MGST1: variants seen among roughly 807,000 people sequenced by gnomAD.
The protein encoded by MGST1 is microsomal glutathione S-transferase 1.
A neutral mutation model predicts 8.9 loss-of-function variants in MGST1; 5 were observed. That is an observed-to-expected ratio of 0.56 (90% confidence interval 0.29 to 1.19). The LOEUF is 1.19. Ranked by LOEUF, MGST1 falls within the 50% of genes most tolerant of loss-of-function variation. The pLI, the probability that MGST1 is intolerant of heterozygous loss-of-function variation, is 0.08. For synonymous variants in MGST1, 54 were observed against 67.8 expected (o/e 0.80, Z 1.00); for missense variants, 182 against 187.4 (o/e 0.97, Z 0.17).
intron 4 of MGST1, among the ~76,000 whole-genome samples, chr12:16,578,375 G>A (rs879861845): frequency 2.0e-5 from 3 of 152,104 alleles, no homozygotes; most frequent in Non-Finnish European, 4.4e-5. Flanking sequence ...CTCTACATGG[G>A]GTAGAGGGAG....
chr12:16,441,691 T>C (rs1255741293), downstream of MGST1, among the ~76,000 whole-genome samples: 1 of 151,844 alleles, frequency 6.6e-6, no homozygotes, highest in Non-Finnish European at 1.5e-5. Context: ...TGCTGAATAA[T>C]ACTCCATTGT....
At chr12:16,467,616 A>G (rs951837224) in intron 4 of MGST1, among the ~76,000 whole-genome samples, 1 of 152,216 alleles carries the variant, frequency 6.6e-6, no homozygotes, top group Admixed American at 6.5e-5. Flanking sequence ...TAAAAAGTTC[A>G]TAGAACTCAT....
chr12:16,388,385 A>G (rs1311811011), intron 1 of MGST1, among the ~76,000 whole-genome samples: 1 of 152,084 alleles, frequency 6.6e-6, no homozygotes, highest in African/African-American at 2.4e-5. Context: ...GTGGAGGCCT[A>G]GGATATTACT....
chr12:16,529,227 A>G (rs1192840189), intron 4 of MGST1, among the ~76,000 whole-genome samples: 1 of 151,886 alleles, frequency 6.6e-6, no homozygotes, highest in Non-Finnish European at 1.5e-5. Flanking sequence ...CTTTCCCAGG[A>G]TACCCAGACC....
rs1403773182 is a variant in MGST1 at position 16,585,313 on chromosome 12, A to G, written n.483-4215A>G. ...CAAGTTATTGATTACTGCTTCAAGA[A>G]AAAGGATTTGCATATTTGTGTATAT... On this transcript the variant is annotated intron_variant and non_coding_transcript_variant, in intron 4 of 4. Coordinates refer to the MGST1 transcript ENST00000538857. This position sits in a 1 kb window ranked among gnomAD's most constrained non-coding sequence, Gnocchi z 4.7. 6.6e-6 allele frequency among the ~76,000 whole-genome samples: 1 copy of G among 152,196 alleles called. No homozygotes were observed. Among genetic ancestry groups the G allele is most frequent in the East Asian group, 1.9e-4 (1 of 5,196 alleles).
intron 4 of MGST1, among the ~76,000 whole-genome samples, chr12:16,496,624 C>T (rs1941472242): frequency 6.6e-6 from 1 of 152,062 alleles, no homozygotes; most frequent in Non-Finnish European, 1.5e-5. Flanking sequence ...ACCCTGGACT[C>T]CTTCTCTCCC....
At chr12:16,518,010 G>A (rs75078223) in intron 4 of MGST1, among the ~76,000 whole-genome samples, 3,938 of 152,260 alleles carry the variant, frequency 0.026, 64 homozygotes, top group Non-Finnish European at 0.042. Flanking sequence ...GTCACACTGA[G>A]GTCTTCAACA....
In MGST1 at chr12:16,500,316, G is replaced by A. The variant is rs1941497605; in HGVS notation, n.483-89212G>A. Among the ~76,000 whole-genome samples, 1 of 152,160 alleles carries A rather than the reference G, an allele frequency of 6.6e-6. No homozygotes were observed. Among genetic ancestry groups the A allele is most frequent in the Non-Finnish European group, 1.5e-5 (1 of 68,028 alleles). On this transcript the variant is annotated intron_variant and non_coding_transcript_variant, in intron 4 of 4. Coordinates refer to the MGST1 transcript ENST00000538857. This position sits in a 1 kb window ranked among gnomAD's most constrained non-coding sequence, Gnocchi z 4.3. Reference sequence around the variant, plus strand: ...TGGAAAATATAAAATATTTGGCTGAGATGCCTGACAGACAACAAATAAACT... The same window carrying A: ...TGGAAAATATAAAATATTTGGCTGAAATGCCTGACAGACAACAAATAAACT...
intron 4 of MGST1, among the ~76,000 whole-genome samples, chr12:16,518,880 G>T (rs1941632015): frequency 6.6e-6 from 1 of 152,174 alleles, no homozygotes. Flanking sequence ...GAGGCCTGAG[G>T]ACATTATCAG....
chr12:16,484,186 A>G (rs1941383863), intron 4 of MGST1, among the ~76,000 whole-genome samples: 1 of 152,182 alleles, frequency 6.6e-6, no homozygotes, highest in Admixed American at 6.5e-5. Context: ...GAAATTTGGA[A>G]CTGAACTGGA....
At chr12:16,392,086 T>G (rs968956945) in intron 1 of MGST1, among the ~76,000 whole-genome samples, 2 of 152,228 alleles carry the variant, frequency 1.3e-5, no homozygotes, top group African/African-American at 4.8e-5. Context: ...CTCTCTATTC[T>G]GTTCCATTGG....
chr12:16,354,355 G>T lies in MGST1; in HGVS notation c.103G>T (p.Ala35Ser). 4 of 1,598,770 alleles carry T rather than the reference G, an allele frequency of 2.5e-6. No homozygotes were observed. The highest frequency in any genetic ancestry group is 1.2e-5 in the South Asian group (1 of 85,814). ...AATGATGCTTATGAGTACTGCAACT[G>T]CATTCTATAGATTGACAAGAAAGGT... ...SKMMLMSTAT[A>S]FYRLTRKVFA... The change falls in exon 2 of 4, where the codon GCA (alanine) becomes TCA (serine). Residue 35 changes from alanine (A) to serine (S), a missense_variant. Physicochemically the swap from Ala to Ser is moderately conservative, Grantham distance 99 (BLOSUM62 1). Transcript: ENST00000396210.
chr12:16,452,405 A>T (rs961887676), intron 4 of MGST1, among the ~76,000 whole-genome samples: 1 of 151,458 alleles, frequency 6.6e-6, no homozygotes, highest in East Asian at 1.9e-4. Flanking sequence ...GTGGCCAAAA[A>T]AAAAAAAATG....
chr12:16,460,441 G>A (rs1031061100), intron 4 of MGST1, among the ~76,000 whole-genome samples: 1 of 152,046 alleles, frequency 6.6e-6, no homozygotes, highest in Non-Finnish European at 1.5e-5. Context: ...AAGATGGGAA[G>A]TTGCTGACTA....
At chr12:16,384,585 ACCT>A (rs1330694892) in intron 1 of MGST1, among the ~76,000 whole-genome samples, 1 of 152,124 alleles carries the variant, frequency 6.6e-6, no homozygotes, top group African/African-American at 2.4e-5. Flanking sequence ...CAGGTTTCTG[ACCT>A]CCTGAACTGG....
chr12:16,359,026 T>C (rs1029496573), intron 3 of MGST1, among the ~76,000 whole-genome samples: 1 of 152,104 alleles, frequency 6.6e-6, no homozygotes, highest in Non-Finnish European at 1.5e-5. Flanking sequence ...TGCAATTGGT[T>C]ATGCTGGATG....
chr12:16,513,018 A>ACTAATCTAC lies in MGST1; in HGVS notation n.483-76509_483-76501dup, dbSNP rs1941586476. On this transcript the variant is annotated intron_variant and non_coding_transcript_variant, in intron 4 of 4. Transcript: ENST00000538857. The surrounding 1 kb of genome is among the most constrained non-coding windows in gnomAD (Gnocchi z 4.2). ...AGGGACCTCAGAGTAAGTGTTTGTAACTAATCTACTTTTCCTCCCAGTGTA... is the reference window on the plus strand; with the variant it reads ...AGGGACCTCAGAGTAAGTGTTTGTAACTAATCTACCTAATCTACTTTTCCTCCCAGTGTA... Among the ~76,000 whole-genome samples, 1 of 152,206 alleles carries ACTAATCTAC rather than the reference A, an allele frequency of 6.6e-6. No individual in the cohort carries two copies. The highest frequency in any genetic ancestry group is 1.9e-4 in the East Asian group (1 of 5,196).
chr12:16,356,271 A>G (rs1939709363), intron 2 of MGST1, among the ~76,000 whole-genome samples: 1 of 152,214 alleles, frequency 6.6e-6, no homozygotes, highest in Non-Finnish European at 1.5e-5. Context: ...CTGAAATTGC[A>G]TTAAACCCAA....
chr12:16,378,461 A>C (rs1940414253), downstream of MGST1, among the ~76,000 whole-genome samples: 1 of 152,088 alleles, frequency 6.6e-6, no homozygotes, highest in Non-Finnish European at 1.5e-5. Flanking sequence ...AGTTGTAGAT[A>C]TGTGGCATTA....
Sources: gnomAD v4.1 joint callset for allele counts (sites outside exome capture counted in the v4.1 genomes callset) on GRCh38, gnomAD v4.1.1 for gene constraint, Gnocchi (gnomAD v3.1) non-coding constraint, MANE v1.5 for transcripts, NCBI Gene and HGNC (gene_info 2026-07-23, HGNC 2026-07-21) for gene names.